GRIK3: variants seen among roughly 807,000 people sequenced by gnomAD.
The protein encoded by GRIK3 is glutamate receptor ionotropic, kainate 3.
A neutral mutation model predicts 102.5 loss-of-function variants in GRIK3; 29 were observed. That is an observed-to-expected ratio of 0.28 (90% CI 0.21 to 0.39). The LOEUF is 0.39. Ranked by LOEUF, GRIK3 falls within the 10% of genes least tolerant of loss-of-function variation. The pLI is 1.00. For synonymous variants in GRIK3, 511 were observed against 504.9 expected, an observed-to-expected ratio of 1.01 and a Z score of -0.16; for missense variants, 908 against 1,252.4, an observed-to-expected ratio of 0.73 and a Z score of 4.15.
chr1:37,029,143 C>T (rs896516620), intron 1 of GRIK3, among the ~76,000 whole-genome samples: 5 of 151,832 alleles, frequency 3.3e-5, no homozygotes, highest in African/African-American at 9.7e-5. Flanking sequence ...GGGAGAAGAG[C>T]GATTCCAGGA....
intron 1 of GRIK3, among the ~76,000 whole-genome samples, chr1:36,928,863 G>C (rs1478269481): frequency 1.1e-4 from 17 of 152,214 alleles, no homozygotes; most frequent in Non-Finnish European, 1.3e-4. Context: ...AGAACTAGGG[G>C]CATCTTAGTC....
At chr1:37,006,565 G>T (rs1275059499) in intron 1 of GRIK3, among the ~76,000 whole-genome samples, 7 of 152,232 alleles carry the variant, frequency 4.6e-5, no homozygotes, top group African/African-American at 1.7e-4. Context: ...GCAGCTAATG[G>T]GAGGTTTGAG....
rs200839937 is a variant in GRIK3 at position 36,805,052 on chromosome 1, G to C, written c.2500C>G (p.Leu834Val). 3.6e-5 allele frequency: 58 copies of C among 1,614,182 alleles called. No homozygotes were observed. The African/African-American group carries it at 7.3e-4, about 20-fold the overall frequency. Residue 834 changes from leucine to valine, a missense_variant, in exon 15 of 16, where the codon CTC (leucine) becomes GTC (valine). By Grantham distance (32) the Leu-to-Val change is conservative. Transcript: ENST00000373091. ...TCGCCCACGGCCACCAGCACAGAGA[G>C]GACCAGCCCGGCGGCCAGGACAATG... ...IFIVLAAGLV[L>V]SVLVAVGEFV...
chr1:36,848,605 T>C (rs1309463737), intron 9 of GRIK3, among the ~76,000 whole-genome samples: 1 of 152,092 alleles, frequency 6.6e-6, no homozygotes, highest in Non-Finnish European at 1.5e-5. Context: ...TCATTCCTTA[T>C]CTTCATTTTC....
intron 1 of GRIK3, among the ~76,000 whole-genome samples, chr1:36,891,438 T>A (rs1641114628): frequency 6.6e-6 from 1 of 152,198 alleles, no homozygotes; most frequent in Admixed American, 6.5e-5. Context: ...ATTCTAGGAA[T>A]CTAAGACTGG....
At chr1:36,803,492 G>A (rs926103894) in intron 15 of GRIK3, among the ~76,000 whole-genome samples, 4 of 152,008 alleles carry the variant, frequency 2.6e-5, no homozygotes, top group Non-Finnish European at 5.9e-5. Context: ...GTGCAGTGGC[G>A]TGACCTTGGC....
At chr1:36,869,927 T>C (rs1016177888) in intron 4 of GRIK3, 126 bp from the exon 5 acceptor site, 4 of 704,302 alleles carry the variant, frequency 5.7e-6, no homozygotes, top group Admixed American at 2.0e-5. Context: ...GAGTAAGGTG[T>C]CCTCTGAGAC....
intron 1 of GRIK3, among the ~76,000 whole-genome samples, chr1:36,932,657 T>C (rs1362314959): frequency 2.6e-5 from 4 of 152,238 alleles, no homozygotes; most frequent in Admixed American, 1.3e-4. Context: ...AAGATTGCTA[T>C]TACTTTCCAA....
chr1:36,802,219 C>A (rs1642450619), intron 15 of GRIK3, among the ~76,000 whole-genome samples, 174 bp from the exon 16 acceptor site: 1 of 152,202 alleles, frequency 6.6e-6, no homozygotes, highest in South Asian at 2.1e-4. Context: ...GTTTGTGCAG[C>A]AGTCTACAAA....
chr1:36,804,255 G>T (rs1466382609), intron 15 of GRIK3, among the ~76,000 whole-genome samples: 1 of 152,162 alleles, frequency 6.6e-6, no homozygotes, highest in Non-Finnish European at 1.5e-5. Context: ...TGTGAGTTGT[G>T]CTTCCCCCAG....
chr1:36,836,440 G>A (rs1640379828), intron 10 of GRIK3, among the ~76,000 whole-genome samples: 1 of 152,262 alleles, frequency 6.6e-6, no homozygotes, highest in Non-Finnish European at 1.5e-5. Context: ...TGTTGGGACA[G>A]CAGCCAAGTT....
At chr1:36,859,016 A>G (rs964433488) in intron 7 of GRIK3, 92 bp downstream of exon 7, 4 of 1,160,928 alleles carry the variant, frequency 3.4e-6, no homozygotes, top group South Asian at 3.2e-5. Flanking sequence ...ATGGATGAGA[A>G]TCAATCCTTC....
intron 5 of GRIK3, among the ~76,000 whole-genome samples, chr1:36,865,516 G>A (rs899875958): frequency 3.9e-5 from 6 of 152,216 alleles, no homozygotes; most frequent in Non-Finnish European, 8.8e-5. Flanking sequence ...AAGACCGGAA[G>A]CAGGATATGA....
At chr1:36,859,383 G>A (rs1640693350) in intron 6 of GRIK3, 132 bp from the exon 7 acceptor site, 1 of 969,406 alleles carries the variant, frequency 1.0e-6, no homozygotes, top group Non-Finnish European at 1.5e-6. Flanking sequence ...CAGAGGCCCT[G>A]GAGGTGACTC....
At chr1:36,841,638 G>T in intron 10 of GRIK3, 98 bp downstream of exon 10, 1 of 1,001,082 alleles carries the variant, frequency 1.0e-6, no homozygotes, top group South Asian at 1.3e-5. Context: ...TGTCCCCAGG[G>T]CCTTTTTCTG....
intron 2 of GRIK3, among the ~76,000 whole-genome samples, chr1:36,888,920 CT>C (rs1641072495): frequency 6.6e-6 from 1 of 152,140 alleles, no homozygotes; most frequent in South Asian, 2.1e-4. Context: ...AGGGCAGGGC[CT>C]TTTTTCCTGC....
intron 1 of GRIK3, among the ~76,000 whole-genome samples, chr1:36,973,130 C>T (rs571891201): frequency 6.6e-6 from 1 of 152,304 alleles, no homozygotes; most frequent in Admixed American, 6.5e-5. Flanking sequence ...ACCTAACCCT[C>T]CCTTGTTCAG....
Position 36,872,519 on chromosome 1 carries a change from C to T in GRIK3, c.551-150G>A, listed in dbSNP as rs778891834. On this transcript the variant is annotated intron_variant, in intron 3 of 15. Coordinates refer to ENST00000373091, the MANE Select transcript of GRIK3 (RefSeq NM_000831.4). The surrounding 1 kb of genome is among the most constrained non-coding windows in gnomAD (Gnocchi z 5.9). Reference sequence around the variant, plus strand: ...AACGTGGCCCACAGAGACTTGTGCACGTGCATGGACAACACTGGAGAGCAG... The same window carrying T: ...AACGTGGCCCACAGAGACTTGTGCATGTGCATGGACAACACTGGAGAGCAG... The T allele has an allele frequency of 1.8e-5, 11 of 596,562 alleles. No individual in the cohort carries two copies. The highest frequency in any genetic ancestry group is 3.4e-5 in the Admixed American group (1 of 29,140). 37.0% of individuals were successfully genotyped at this position (596,562 alleles called of 1,614,324 possible).
intron 1 of GRIK3, among the ~76,000 whole-genome samples, chr1:36,917,271 C>G (rs1305629568): frequency 6.6e-6 from 1 of 152,174 alleles, no homozygotes; most frequent in African/African-American, 2.4e-5. Flanking sequence ...AAGTAACTAA[C>G]TTGTTCTTGA....
Sources: gnomAD v4.1 joint callset for allele counts (sites outside exome capture counted in the v4.1 genomes callset) on GRCh38, gnomAD v4.1.1 for gene constraint, Gnocchi (gnomAD v3.1) non-coding constraint, MANE v1.5 for transcripts, NCBI Gene and HGNC (gene_info 2026-07-23, HGNC 2026-07-21) for gene names.